Variants in MPHOSPH9 observed in about 807,000 individuals in gnomAD.
The protein encoded by MPHOSPH9 is M-phase phosphoprotein 9.
Under a neutral mutation model 145.5 loss-of-function variants are expected in MPHOSPH9, and 88 were observed. The observed-to-expected ratio is 0.60, with a 90% CI of 0.51 to 0.72. The LOEUF (loss-of-function observed/expected upper bound fraction) is 0.72. Among genes scored for constraint, MPHOSPH9 ranks in the 30% least tolerant of loss-of-function variants. MPHOSPH9 has a pLI of 0.00. For missense variants in MPHOSPH9, 1,238 were observed against 1,386.6 expected (o/e 0.89, Z 1.70); for synonymous variants, 435 against 486.2 (o/e 0.89, Z 1.39).
intron 8 of MPHOSPH9, among the ~76,000 whole-genome samples, chr12:123,207,146 T>TAAAAAAA (rs35392378): frequency 2.6e-5 from 3 of 114,582 alleles, no homozygotes; most frequent in East Asian, 5.4e-4. Flanking sequence ...CTAAAGTGGT[T>TAAAAAAA]AAAAAAAAAA....
chr12:123,203,477 A>C (rs1260248271), intron 8 of MPHOSPH9, 102 bp from the exon 9 acceptor site: 3 of 1,064,180 alleles, frequency 2.8e-6, no homozygotes, highest in African/African-American at 1.6e-5. Flanking sequence ...ACTTTAAGCA[A>C]ATTGAAAATG....
chr12:123,207,952 A>C (rs1418056865), intron 8 of MPHOSPH9, among the ~76,000 whole-genome samples: 1 of 151,990 alleles, frequency 6.6e-6, no homozygotes, highest in Non-Finnish European at 1.5e-5. Context: ...AAATTTAAAA[A>C]AAATGGGCCA....
Position 123,160,825 on chromosome 12 carries a change from G to A in MPHOSPH9, c.3406C>T (p.Pro1136Ser), listed in dbSNP as rs1210632958. The A allele has an allele frequency of 1.9e-6, 3 of 1,613,864 alleles. No individual in the cohort carries two copies. The highest frequency in any genetic ancestry group is 1.6e-4 in the Middle Eastern group (1 of 6,062). Reference protein sequence around the residue: ...DQIEAALSRMPSPGGRITLQT... With the variant: ...DQIEAALSRMSSPGGRITLQT... Reference sequence around the variant, plus strand: ...AAAGTGATTCGTCCTCCAGGAGAAGGCATCCTGCTTAGTGCTGCCTCAATC... The same window carrying A: ...AAAGTGATTCGTCCTCCAGGAGAAGACATCCTGCTTAGTGCTGCCTCAATC... Residue 1136 changes from proline (P) to serine (S), a missense_variant, in exon 23 of 24, where the codon CCT (proline) becomes TCT (serine). This residue lies in a region of MPHOSPH9 where 393 missense variants were observed against 462.5 expected (regional missense o/e 0.85). Coordinates refer to ENST00000606320, the MANE Select transcript of MPHOSPH9 (RefSeq NM_022782.4).
chr12:123,167,980 A>C (rs34484751), intron 16 of MPHOSPH9, among the ~76,000 whole-genome samples: 2,745 of 152,218 alleles, frequency 0.018, 40 homozygotes, highest in South Asian at 0.035. Context: ...AAAACCAGAG[A>C]ACACACTCCC....
intron 21 of MPHOSPH9, 56 bp from the exon 22 acceptor site, chr12:123,161,439 C>T: frequency 6.3e-7 from 1 of 1,579,080 alleles, no homozygotes; most frequent in South Asian, 1.1e-5. Flanking sequence ...GTGTAGGTTG[C>T]ATATATATTA....
At chr12:123,183,643 T>G (rs2045307079) in intron 13 of MPHOSPH9, among the ~76,000 whole-genome samples, 1 of 149,596 alleles carries the variant, frequency 6.7e-6, no homozygotes, top group South Asian at 2.1e-4. Context: ...GAAATGCTGA[T>G]GAAAAGCAGG....
chr12:123,202,418 T>C, intron 10 of MPHOSPH9, 99 bp from the exon 11 acceptor site: 1 of 1,306,976 alleles, frequency 7.7e-7, no homozygotes, highest in Non-Finnish European at 1.0e-6. Context: ...TGGGCAAAAA[T>C]ATAGCATATT....
At chr12:123,218,050 A>G (rs965265674) in intron 6 of MPHOSPH9, among the ~76,000 whole-genome samples, 2 of 151,600 alleles carry the variant, frequency 1.3e-5, no homozygotes, top group Admixed American at 1.3e-4. Context: ...ATCTCAAAAA[A>G]AAAAAAAAAA....
intron 23 of MPHOSPH9, among the ~76,000 whole-genome samples, chr12:123,157,716 G>A (rs1398585267): frequency 6.6e-6 from 1 of 151,894 alleles, no homozygotes; most frequent in African/African-American, 2.4e-5. Flanking sequence ...CGAACTCCTG[G>A]CCTCAAGTGA....
At chr12:123,216,993 AAAT>A (rs1481933681) in intron 6 of MPHOSPH9, among the ~76,000 whole-genome samples, 1 of 28,234 alleles carries the variant, frequency 3.5e-5, no homozygotes, top group Non-Finnish European at 2.9e-4. Flanking sequence ...CATGTCAAAA[AAAT>A]AAATAAATAA....
Position 123,227,619 on chromosome 12 carries a change from G to A in MPHOSPH9, c.105-3C>T. On this transcript the variant is annotated splice_region_variant and splice_polypyrimidine_tract_variant and intron_variant, in intron 2 of 23. Transcript: ENST00000606320. Reference sequence around the variant, plus strand: ...TTGTACTAAGGTGGGGACTACTTCTGTTGAAACATAAATAATTCAAATGGT... The same window carrying A: ...TTGTACTAAGGTGGGGACTACTTCTATTGAAACATAAATAATTCAAATGGT... 1.3e-6 allele frequency: 2 copies of A among 1,498,786 alleles called. No individual in the cohort carries two copies. The highest frequency in any genetic ancestry group is 1.8e-6 in the Non-Finnish European group (2 of 1,132,074). 92.8% of individuals were successfully genotyped at this position (1,498,786 alleles called of 1,614,324 possible).
downstream of MPHOSPH9, among the ~76,000 whole-genome samples, chr12:123,154,062 G>A (rs889698307): frequency 1.3e-5 from 2 of 152,114 alleles, no homozygotes; most frequent in African/African-American, 4.8e-5. Context: ...AAGTCCTTCA[G>A]TTGCAAAGAC....
chr12:123,208,363 C>T (rs987593989), intron 8 of MPHOSPH9, among the ~76,000 whole-genome samples: 8 of 151,140 alleles, frequency 5.3e-5, no homozygotes, highest in African/African-American at 1.9e-4. Context: ...ATGGTGAAAC[C>T]CCGTCTCTAC....
At chr12:123,241,447 C>T (rs1339201464) in intron 1 of MPHOSPH9, among the ~76,000 whole-genome samples, 1 of 152,172 alleles carries the variant, frequency 6.6e-6, no homozygotes, top group Non-Finnish European at 1.5e-5. Flanking sequence ...AAGCAATTCT[C>T]CTGCCTCAGT....
intron 12 of MPHOSPH9, 141 bp from the exon 13 acceptor site, chr12:123,194,742 C>T (rs2045869505): frequency 1.7e-6 from 1 of 572,828 alleles, no homozygotes; most frequent in Non-Finnish European, 2.9e-6. Context: ...CTGCCTCAGC[C>T]TCCCGAGAGC....
chr12:123,230,514 CAA>C lies in MPHOSPH9; in HGVS notation c.-152_-151del, dbSNP rs2047597561. 1 of 473,022 alleles carries C rather than the reference CAA, an allele frequency of 2.1e-6. No individual in the cohort carries two copies. Among genetic ancestry groups the C allele is most frequent in the Non-Finnish European group, 3.7e-6 (1 of 267,376 alleles). The allele number at this position is 473,022 out of a possible 1,614,324, so 29.3% of individuals were successfully genotyped here. On this transcript the variant is annotated 5_prime_UTR_variant, in exon 2 of 24. The change creates a premature stop within an existing upstream ORF in the 5' untranslated region. Coordinates refer to ENST00000606320, the MANE Select transcript of MPHOSPH9 (RefSeq NM_022782.4). ...AGAACTGTGAAATATCCTAAACTTCCAAGAGAGTCTGAAAATGAATGGGGGAA... is the reference window on the plus strand; with the variant it reads ...AGAACTGTGAAATATCCTAAACTTCCGAGAGTCTGAAAATGAATGGGGGAA...
chr12:123,209,469 C>T (rs904984343), intron 8 of MPHOSPH9, among the ~76,000 whole-genome samples: 1 of 152,002 alleles, frequency 6.6e-6, no homozygotes, highest in Admixed American at 6.6e-5. Context: ...TGCAATGGCA[C>T]AATCTCGGTT....
Position 123,202,980 on chromosome 12 carries a change from G to C in MPHOSPH9, c.1425C>G (p.Ser475=). The change falls in exon 10 of 24, where the codon TCC becomes TCG. Residue 475 remains serine, a synonymous_variant. Transcript: ENST00000606320. Reference sequence around the variant, plus strand: ...TACTAGGCTCTAGAACAGAGTCCGGGGAAAAGGATATTCTGTCATCAAGGG... The same window carrying C: ...TACTAGGCTCTAGAACAGAGTCCGGCGAAAAGGATATTCTGTCATCAAGGG... The part of the protein sequence containing the change: ...PNALDDRISF[S]PDSVLEPSMS... The C allele has an allele frequency of 6.2e-7, 1 of 1,614,154 alleles. No homozygotes were observed. The highest frequency in any genetic ancestry group is 2.2e-5 in the East Asian group (1 of 44,890).
chr12:123,200,447 C>T (rs1475138479), intron 11 of MPHOSPH9, among the ~76,000 whole-genome samples: 3 of 152,110 alleles, frequency 2.0e-5, no homozygotes, highest in African/African-American at 7.2e-5. Flanking sequence ...CAGCCATTTA[C>T]TTAAAACCCT....
Sources: gnomAD v4.1 joint callset for allele counts (sites outside exome capture counted in the v4.1 genomes callset) on GRCh38, gnomAD v4.1.1 for gene constraint, gnomAD v4.1.1 regional missense constraint, MANE v1.5 for transcripts, NCBI Gene and HGNC (gene_info 2026-07-23, HGNC 2026-07-21) for gene names.